Variants in FAM222B observed in about 807,000 individuals in gnomAD.
The protein encoded by FAM222B is family with sequence similarity 222 member B.
FAM222B carries 12 observed loss-of-function variants against 38.0 expected under a neutral mutation model. The observed-to-expected ratio is 0.32, with a 90% CI of 0.20 to 0.51. The LOEUF is 0.51. Among genes scored for constraint, FAM222B ranks in the 20% least tolerant of loss-of-function variants. The probability of loss-of-function intolerance (pLI) is 0.97; values close to 1 mark genes in which losing one functional copy is unlikely to be tolerated. For synonymous variants in FAM222B, 329 were observed against 317.2 expected (o/e 1.04, Z -0.40); for missense variants, 716 against 754.2 (o/e 0.95, Z 0.59).
Position 28,759,339 on chromosome 17 carries a change from C to T in FAM222B, c.620G>A (p.Gly207Asp), listed in dbSNP as rs1411890724. ...GHPQPMAQTQ[G>D]LVHPQALAHQ... ...AGCCAGGGCCTGAGGGTGGACCAAGCCCTGGGTTTGGGCCATGGGCTGAGG... is the reference window on the plus strand; with the variant it reads ...AGCCAGGGCCTGAGGGTGGACCAAGTCCTGGGTTTGGGCCATGGGCTGAGG... The change falls in exon 3 of 3, where the codon GGC becomes GAC. Residue 207 changes from glycine to aspartate, a missense_variant. By Grantham distance (94) the Gly-to-Asp change is moderately conservative. Coordinates refer to ENST00000581407, the MANE Select transcript of FAM222B (RefSeq NM_001077498.3). This position sits in a 1 kb window ranked among gnomAD's most constrained non-coding sequence, Gnocchi z 4.8. The T allele has an allele frequency of 1.9e-6, 3 of 1,610,208 alleles. No individual in the cohort carries two copies. Among genetic ancestry groups the T allele is most frequent in the Non-Finnish European group, 2.5e-6 (3 of 1,178,552 alleles).
intron 1 of FAM222B, among the ~76,000 whole-genome samples, chr17:28,791,122 G>A (rs2036666068): frequency 6.6e-6 from 1 of 151,618 alleles, no homozygotes; most frequent in South Asian, 2.1e-4. Flanking sequence ...GGGCTAGCCA[G>A]GATGGTCTCG....
At chr17:28,797,394 CA>C (rs1209094362) in intron 1 of FAM222B, among the ~76,000 whole-genome samples, 2 of 151,956 alleles carry the variant, frequency 1.3e-5, no homozygotes, top group African/African-American at 4.8e-5. Flanking sequence ...CTCTGAGCTC[CA>C]GAGATAAAAA....
rs556687941 is a variant in FAM222B at position 28,788,871 on chromosome 17, A to G, written c.-40-22164T>C. Reference sequence around the variant, plus strand: ...ATTCTCCTGCCTCAGCCTCCCGAGTAGCTGGGATTACAGATGCCCGCCACC... The same window carrying G: ...ATTCTCCTGCCTCAGCCTCCCGAGTGGCTGGGATTACAGATGCCCGCCACC... On this transcript the variant is annotated intron_variant, in intron 1 of 2. Transcript: ENST00000581407. 4.0e-5 allele frequency among the ~76,000 whole-genome samples: 6 copies of G among 151,892 alleles called. No individual in the cohort carries two copies. In the East Asian group the frequency reaches 1.2e-3, roughly 30 times the overall value.
chr17:28,805,106 C>T (rs1335871306), intron 1 of FAM222B, among the ~76,000 whole-genome samples: 1 of 151,928 alleles, frequency 6.6e-6, no homozygotes, highest in African/African-American at 2.4e-5. Flanking sequence ...TGGTTCTAAT[C>T]CCAGCACTTG....
Position 28,756,023 on chromosome 17 carries a change from C to CCATCA in FAM222B, c.*2242_*2246dup, listed in dbSNP as rs1412883132. ...CTGGTTTATAATAATCTTAAAAACC[C>CCATCA]CATCACACCCATAAACCACCACAGG... On this transcript the variant is annotated 3_prime_UTR_variant, in exon 3 of 3. Transcript: ENST00000581407. 2 of 152,482 alleles carry CCATCA rather than the reference C, an allele frequency of 1.3e-5. No homozygotes were observed. The highest frequency in any genetic ancestry group is 4.8e-5 in the African/African-American group (2 of 41,404). 9.4% of individuals were successfully genotyped at this position (152,482 alleles called of 1,614,324 possible).
intron 1 of FAM222B, among the ~76,000 whole-genome samples, chr17:28,821,884 C>T (rs2038231430): frequency 6.6e-6 from 1 of 151,912 alleles, no homozygotes; most frequent in Non-Finnish European, 1.5e-5. Context: ...ATCGCTTCAA[C>T]CTGGGGCTGG....
intron 1 of FAM222B, among the ~76,000 whole-genome samples, chr17:28,804,736 T>G (rs1454656838): frequency 1.3e-5 from 2 of 152,056 alleles, no homozygotes; most frequent in Non-Finnish European, 2.9e-5. Context: ...ATATACTACT[T>G]TTGATGATTA....
intron 1 of FAM222B, among the ~76,000 whole-genome samples, chr17:28,792,184 C>T (rs983316882): frequency 3.3e-5 from 5 of 151,562 alleles, no homozygotes; most frequent in East Asian, 2.0e-4. Flanking sequence ...TGATGGCAGG[C>T]GCCTGTAGTC....
intron 1 of FAM222B, among the ~76,000 whole-genome samples, chr17:28,803,736 T>C (rs1325588490): frequency 6.6e-6 from 1 of 151,890 alleles, no homozygotes; most frequent in Non-Finnish European, 1.5e-5. Flanking sequence ...TCCCAGCACT[T>C]TGGGAGGCCG....
Position 28,826,524 on chromosome 17 carries a change from C to CA in FAM222B, c.-41+16157dup, listed in dbSNP as rs931909309. On this transcript the variant is annotated intron_variant, in intron 1 of 2. Coordinates refer to ENST00000581407, the MANE Select transcript of FAM222B (RefSeq NM_001077498.3). ...GGTGAAACCCTGTCTCTACTAAACA[C>CA]AAAAAAAACAGCCAGGCGTGGTGGT... 6.0e-5 allele frequency among the ~76,000 whole-genome samples: 9 copies of CA among 151,024 alleles called. No individual in the cohort carries two copies. In the East Asian group the frequency reaches 7.9e-4, roughly 13 times the overall value.
intron 1 of FAM222B, among the ~76,000 whole-genome samples, chr17:28,803,559 A>G (rs962233563): frequency 6.6e-6 from 1 of 151,990 alleles, no homozygotes; most frequent in Admixed American, 6.6e-5. Flanking sequence ...AGTCTCCCAA[A>G]GTGTTGGGAT....
chr17:28,840,839 T>C (rs1451008829), intron 1 of FAM222B, among the ~76,000 whole-genome samples: 3 of 151,734 alleles, frequency 2.0e-5, no homozygotes, highest in African/African-American at 7.3e-5. Context: ...CACGTGCCTA[T>C]AATCCCAGGT....
intron 1 of FAM222B, among the ~76,000 whole-genome samples, chr17:28,777,868 A>AGC (rs1247892629): frequency 2.0e-5 from 3 of 151,598 alleles, no homozygotes; most frequent in Non-Finnish European, 4.4e-5. Flanking sequence ...GGCTCACTGT[A>AGC]GCCTTGACTT....
chr17:28,774,058 C>T (rs919476406), intron 1 of FAM222B, among the ~76,000 whole-genome samples: 5 of 152,056 alleles, frequency 3.3e-5, no homozygotes, highest in Non-Finnish European at 5.9e-5. Context: ...AGAGGCCTGG[C>T]GGCTGAGTGG....
chr17:28,787,082 G>A (rs1447476723), intron 1 of FAM222B, among the ~76,000 whole-genome samples: 2 of 151,704 alleles, frequency 1.3e-5, no homozygotes, highest in East Asian at 1.9e-4. Context: ...CCGCAACCAC[G>A]CCCAGCTAAT....
At chr17:28,841,070 G>A (rs1379535522) in intron 1 of FAM222B, among the ~76,000 whole-genome samples, 2 of 152,158 alleles carry the variant, frequency 1.3e-5, no homozygotes, top group African/African-American at 2.4e-5. Context: ...CGAGGTGGGT[G>A]GATCACCTGA....
chr17:28,792,754 C>G (rs906442090), intron 1 of FAM222B, among the ~76,000 whole-genome samples: 1 of 149,158 alleles, frequency 6.7e-6, no homozygotes, highest in African/African-American at 2.5e-5. Flanking sequence ...TCACTCCAGC[C>G]TGGGTGACAG....
chr17:28,765,282 A>C (rs2035276474), intron 2 of FAM222B, among the ~76,000 whole-genome samples: 1 of 152,220 alleles, frequency 6.6e-6, no homozygotes, highest in Admixed American at 6.5e-5. Context: ...GGCAAACGAC[A>C]GCCTGCGTGC....
rs1330550587 is a variant in FAM222B, at chr17:28,756,185, G to A, written c.*2085C>T. ...GGCTTGGACCCTTATTGCTGGCTGGGGGTTGGCTGGCAGAGGGGAGAGGGA... is the reference window on the plus strand; with the variant it reads ...GGCTTGGACCCTTATTGCTGGCTGGAGGTTGGCTGGCAGAGGGGAGAGGGA... On this transcript the variant is annotated 3_prime_UTR_variant, in exon 3 of 3. Transcript: ENST00000581407. 1 of 152,820 alleles carries A rather than the reference G, an allele frequency of 6.5e-6. No individual in the cohort carries two copies. Among genetic ancestry groups the A allele is most frequent in the Non-Finnish European group, 1.5e-5 (1 of 68,332 alleles). 9.5% of individuals were successfully genotyped at this position (152,820 alleles called of 1,614,324 possible). A position where few individuals can be genotyped will look rare whatever the true frequency, so the allele number is the denominator to read the frequency against.
Sources: allele counts gnomAD v4.1 joint callset (sites outside exome capture counted in the v4.1 genomes callset), GRCh38; gene constraint gnomAD v4.1.1; non-coding constraint Gnocchi (gnomAD v3.1); transcripts MANE v1.5; gene names NCBI Gene and HGNC (gene_info 2026-07-23, HGNC 2026-07-21).